MEIS2: variants seen among roughly 807,000 people sequenced by gnomAD.
MEIS2 encodes Meis homeobox 2.
A neutral mutation model predicts 58.6 loss-of-function variants in MEIS2; 9 were observed. That is an observed-to-expected ratio of 0.15 (90% CI 0.09 to 0.27). The LOEUF (loss-of-function observed/expected upper bound fraction) is 0.27, where lower values mean the gene tolerates loss of function less well. Among genes scored for constraint, MEIS2 ranks in the 10% least tolerant of loss-of-function variants. The probability of loss-of-function intolerance (pLI) is 1.00; values close to 1 mark genes in which losing one functional copy is unlikely to be tolerated. For missense variants in MEIS2, 427 were observed against 635.0 expected (o/e 0.67, Z 3.52); for synonymous variants, 221 against 228.4 (o/e 0.97, Z 0.29).
At chr15:36,965,923 A>G (rs1170785956) in intron 8 of MEIS2, among the ~76,000 whole-genome samples, 1 of 152,180 alleles carries the variant, frequency 6.6e-6, no homozygotes, top group Non-Finnish European at 1.5e-5. Flanking sequence ...GCTATATCTC[A>G]CGAGGGGAAG....
chr15:37,098,260 T>G (rs1319180873), intron 1 of MEIS2, 61 bp from the exon 2 acceptor site: 176 of 1,408,438 alleles, frequency 1.2e-4, no homozygotes, highest in African/African-American at 4.6e-4. Context: ...AGGAGGGGGG[T>G]GGAAAGGGAA....
At chr15:37,014,395 A>G (rs920909656) in intron 8 of MEIS2, among the ~76,000 whole-genome samples, 1 of 152,310 alleles carries the variant, frequency 6.6e-6, no homozygotes, top group South Asian at 2.1e-4. Context: ...TAACACCAAG[A>G]TGATTGAGCC....
chr15:37,075,482 T>C (rs569124686), intron 7 of MEIS2, among the ~76,000 whole-genome samples: 1 of 152,182 alleles, frequency 6.6e-6, no homozygotes, highest in East Asian at 1.9e-4. Context: ...TGATGGAATA[T>C]ATCCATACGT....
chr15:36,974,685 G>C (rs1165379176), intron 8 of MEIS2, among the ~76,000 whole-genome samples: 1 of 152,150 alleles, frequency 6.6e-6, no homozygotes, highest in African/African-American at 2.4e-5. Context: ...GTATCAGATG[G>C]ATATGGCATG....
intron 8 of MEIS2, among the ~76,000 whole-genome samples, chr15:36,966,230 C>T (rs899559932): frequency 2.0e-5 from 3 of 152,170 alleles, no homozygotes; most frequent in South Asian, 4.1e-4. Context: ...AGATCACCAT[C>T]TATTAGCTCC....
intron 8 of MEIS2, among the ~76,000 whole-genome samples, chr15:37,017,816 T>C (rs1039797058): frequency 6.6e-6 from 1 of 152,198 alleles, no homozygotes; most frequent in Non-Finnish European, 1.5e-5. Flanking sequence ...CCCTCTTTTG[T>C]GTTCCGTCAA....
chr15:36,986,348 G>A (rs889708321), intron 8 of MEIS2, among the ~76,000 whole-genome samples: 14 of 152,050 alleles, frequency 9.2e-5, no homozygotes, highest in African/African-American at 2.7e-4. Context: ...ACTGCATTTC[G>A]CCTTTGCCCC....
chr15:36,906,320 T>C (rs1672761324), intron 9 of MEIS2, among the ~76,000 whole-genome samples: 1 of 152,126 alleles, frequency 6.6e-6, no homozygotes, highest in Non-Finnish European at 1.5e-5. Flanking sequence ...GCTGAGAAGA[T>C]GGAAAGTTCT....
intron 7 of MEIS2, among the ~76,000 whole-genome samples, chr15:37,043,680 C>CTTTT (rs35502089): frequency 1.9e-4 from 21 of 112,958 alleles, no homozygotes; most frequent in South Asian, 3.2e-4. Context: ...CCGTCCCCTC[C>CTTTT]TTTTTTTTTT....
chr15:37,019,396 AC>A (rs2061448749), intron 8 of MEIS2, among the ~76,000 whole-genome samples: 1 of 152,066 alleles, frequency 6.6e-6, no homozygotes, highest in African/African-American at 2.4e-5. Flanking sequence ...TTTGTCTACC[AC>A]CCCTGTGCTT....
intron 9 of MEIS2, chr15:36,898,457 C>T (rs978706915): frequency 1.3e-5 from 2 of 152,156 alleles, no homozygotes; most frequent in Admixed American, 1.3e-4. Context: ...GTTTTACCCC[C>T]TTTTATGTGC....
At chr15:37,084,102 C>T (rs2141919491) in intron 6 of MEIS2, among the ~76,000 whole-genome samples, 1 of 152,042 alleles carries the variant, frequency 6.6e-6, no homozygotes, top group South Asian at 2.1e-4. Flanking sequence ...ATGGTTACAC[C>T]AGTGTATATG....
intron 8 of MEIS2, among the ~76,000 whole-genome samples, chr15:37,031,815 TTGTGTGTGTGTGTGTGTGTGTG>T (rs66770353): frequency 2.2e-5 from 3 of 134,126 alleles, no homozygotes; most frequent in Non-Finnish European, 3.2e-5. Context: ...TTACATCACT[TTGTGTGTGTGTGTGTGTGTGTG>T]TGTGTGTGTG....
chr15:37,068,492 C>T (rs980203788), intron 7 of MEIS2, among the ~76,000 whole-genome samples: 2 of 152,270 alleles, frequency 1.3e-5, no homozygotes, highest in Admixed American at 6.5e-5. Flanking sequence ...ATTAACCAAT[C>T]GTCAAATTGC....
intron 8 of MEIS2, among the ~76,000 whole-genome samples, chr15:36,976,914 G>A (rs1815056137): frequency 1.3e-5 from 2 of 152,016 alleles, no homozygotes; most frequent in Admixed American, 6.6e-5. Context: ...ACCTGAAGTC[G>A]GGAGTTCGAG....
chr15:37,085,262 G>A (rs961625975), intron 6 of MEIS2, among the ~76,000 whole-genome samples: 1 of 152,108 alleles, frequency 6.6e-6, no homozygotes, highest in East Asian at 1.9e-4. Flanking sequence ...ACAGAGCCAC[G>A]TGGGTATAGG....
chr15:36,936,509 T>C (rs908025498), intron 9 of MEIS2, among the ~76,000 whole-genome samples: 4 of 152,202 alleles, frequency 2.6e-5, no homozygotes, highest in African/African-American at 9.7e-5. Flanking sequence ...AACAACCATT[T>C]CTCCTTTCCT....
intron 8 of MEIS2, among the ~76,000 whole-genome samples, chr15:36,971,536 TTAAAAA>T (rs1469685729): frequency 0.13 from 8,656 of 65,322 alleles, 394 homozygotes; most frequent in South Asian, 0.37. Context: ...CCTTGTTACA[TTAAAAA>T]AAAAAAAAAA....
chr15:36,969,724 A>C (rs977388194), intron 8 of MEIS2, among the ~76,000 whole-genome samples: 1 of 152,232 alleles, frequency 6.6e-6, no homozygotes. Flanking sequence ...TACAATACAT[A>C]TAAATCTACT....
Sources: gnomAD v4.1 joint callset for allele counts (sites outside exome capture counted in the v4.1 genomes callset) on GRCh38, gnomAD v4.1.1 for gene constraint, MANE v1.5 for transcripts, NCBI Gene and HGNC (gene_info 2026-07-23, HGNC 2026-07-21) for gene names.